The following NDUFAF6 variants were observed in gnomAD, a reference collection of about 807,000 sequenced individuals.
NDUFAF6 encodes the protein NADH:ubiquinone oxidoreductase complex assembly factor 6.
Under a neutral mutation model 40.8 loss-of-function variants are expected in NDUFAF6, and 45 were observed. The ratio of observed to expected loss-of-function variants is 1.10; its 90% confidence interval spans 0.87 to 1.42. The LOEUF is 1.42. Ranked by LOEUF, NDUFAF6 falls within the 40% of genes most tolerant of loss-of-function variation. The pLI, the probability that NDUFAF6 is intolerant of heterozygous loss-of-function variation, is 0.00. For missense variants in NDUFAF6, 435 were observed against 418.5 expected (o/e 1.04, Z -0.34); for synonymous variants, 185 against 155.9 (o/e 1.19, Z -1.39).
At chr8:95,078,452 T>C (rs1055515276), downstream of NDUFAF6, 4 of 151,972 alleles carry the variant, frequency 2.6e-5, no homozygotes, top group Non-Finnish European at 5.9e-5. Context: ...AAGATCAGCC[T>C]GGGCAACACA....
intron 1 of NDUFAF6, among the ~76,000 whole-genome samples, chr8:94,907,238 TAG>T (rs1818452425): frequency 6.6e-6 from 1 of 152,240 alleles, no homozygotes; most frequent in African/African-American, 2.4e-5. Context: ...TGTCTAATAC[TAG>T]AGTTTGCATT....
intron 6 of NDUFAF6, among the ~76,000 whole-genome samples, chr8:95,047,508 C>CTTTT (rs373655223): frequency 1.3e-4 from 16 of 126,404 alleles, no homozygotes; most frequent in Non-Finnish European, 1.9e-4. Flanking sequence ...CTTTTCTTTT[C>CTTTT]TTTTTTTTTT....
chr8:94,962,882 C>G (rs140145212), intron 1 of NDUFAF6, among the ~76,000 whole-genome samples: 1 of 151,276 alleles, frequency 6.6e-6, no homozygotes, highest in Non-Finnish European at 1.5e-5. Flanking sequence ...CCTTAGCTTC[C>G]TGGGTTCAAG....
chr8:95,025,350 G>C (rs1827976369), intron 1 of NDUFAF6, 145 bp downstream of exon 1: 1 of 828,014 alleles, frequency 1.2e-6, no homozygotes, highest in African/African-American at 1.8e-5. Context: ...GTGGGCGTCG[G>C]GTGCGGGTGT....
chr8:95,117,641 A>C (rs1335190206), downstream of NDUFAF6, among the ~76,000 whole-genome samples: 1 of 152,218 alleles, frequency 6.6e-6, no homozygotes, highest in African/African-American at 2.4e-5. Flanking sequence ...TCCTGGGTGC[A>C]GGAAGACTGC....
At chr8:95,074,522 C>T (rs887398490) in intron 9 of NDUFAF6, among the ~76,000 whole-genome samples, 1 of 143,220 alleles carries the variant, frequency 7.0e-6, no homozygotes, top group Non-Finnish European at 1.5e-5. Context: ...TTTCCATCTC[C>T]TCCAATGTCC....
chr8:95,034,997 A>C (rs933100562), intron 2 of NDUFAF6, among the ~76,000 whole-genome samples: 1 of 151,872 alleles, frequency 6.6e-6, no homozygotes, highest in Non-Finnish European at 1.5e-5. Flanking sequence ...CTCCTGCCTC[A>C]GTCTCCTGAG....
intron 1 of NDUFAF6, among the ~76,000 whole-genome samples, chr8:94,920,327 G>T (rs772040365): frequency 3.3e-5 from 5 of 152,222 alleles, no homozygotes; most frequent in Non-Finnish European, 5.9e-5. Context: ...TCTGGATGCT[G>T]TGAAGTTCGA....
At chr8:94,995,149 G>A (rs997718880) in intron 2 of NDUFAF6, among the ~76,000 whole-genome samples, 1 of 152,180 alleles carries the variant, frequency 6.6e-6, no homozygotes, top group African/African-American at 2.4e-5. Context: ...GCCTTAAAAA[G>A]GAGAACCTGT....
downstream of NDUFAF6, among the ~76,000 whole-genome samples, chr8:95,105,822 G>C (rs1427058210): frequency 2.6e-5 from 4 of 151,930 alleles, no homozygotes; most frequent in Non-Finnish European, 4.4e-5. Flanking sequence ...TTTTTGTAGA[G>C]ATGGAGTTTT....
At chr8:94,967,280 T>C (rs1259953959) in intron 1 of NDUFAF6, among the ~76,000 whole-genome samples, 1 of 152,236 alleles carries the variant, frequency 6.6e-6, no homozygotes, top group Non-Finnish European at 1.5e-5. Context: ...TTTTCTTGGA[T>C]ATGCCCCTCT....
At chr8:95,071,108 C>T (rs780078661) in intron 9 of NDUFAF6, among the ~76,000 whole-genome samples, 1 of 151,876 alleles carries the variant, frequency 6.6e-6, no homozygotes, top group Non-Finnish European at 1.5e-5. Context: ...ATAAGGCAAC[C>T]GGCCGGGCGC....
At chr8:95,009,861 ATAT>A (rs1827157988) in intron 2 of NDUFAF6, among the ~76,000 whole-genome samples, 1 of 152,196 alleles carries the variant, frequency 6.6e-6, no homozygotes, top group Admixed American at 6.5e-5. Context: ...TTCCTCCTAA[ATAT>A]TATATTTAAA....
intron 2 of NDUFAF6, among the ~76,000 whole-genome samples, chr8:94,992,935 G>T (rs1462314716): frequency 6.6e-6 from 1 of 152,206 alleles, no homozygotes; most frequent in Non-Finnish European, 1.5e-5. Flanking sequence ...GTTTGCAAAG[G>T]TGGTTGAGAC....
chr8:95,116,790 C>T (rs62524805), downstream of NDUFAF6, among the ~76,000 whole-genome samples: 6,884 of 152,260 alleles, frequency 0.045, 171 homozygotes, highest in Middle Eastern at 0.078. Flanking sequence ...CAACAGAAAA[C>T]CCAACTTACG....
chr8:95,016,757 A>T (rs183373714), intron 2 of NDUFAF6, among the ~76,000 whole-genome samples: 6 of 152,256 alleles, frequency 3.9e-5, no homozygotes, highest in Non-Finnish European at 8.8e-5. Flanking sequence ...ACAAAAAGCA[A>T]AAAACAAAAC....
intron 2 of NDUFAF6, among the ~76,000 whole-genome samples, chr8:95,082,817 G>T (rs907458696): frequency 3.9e-5 from 6 of 152,056 alleles, no homozygotes; most frequent in African/African-American, 1.4e-4. Context: ...CCGCCACTAC[G>T]CCCGGCTAAT....
chr8:94,919,875 C>A (rs1819382587), intron 1 of NDUFAF6, among the ~76,000 whole-genome samples: 2 of 152,168 alleles, frequency 1.3e-5, no homozygotes, highest in Admixed American at 6.5e-5. Context: ...AGGTCTAAAG[C>A]ATGACAAATT....
chr8:94,964,751 C>A (rs74909134), intron 1 of NDUFAF6, among the ~76,000 whole-genome samples: 2,645 of 152,302 alleles, frequency 0.017, 65 homozygotes, highest in African/African-American at 0.06. Context: ...GCCCCTGTGA[C>A]CAAATATCTC....
Sources: gnomAD v4.1 joint callset for allele counts (sites outside exome capture counted in the v4.1 genomes callset) on GRCh38, gnomAD v4.1.1 for gene constraint, MANE v1.5 for transcripts, NCBI Gene and HGNC (gene_info 2026-07-23, HGNC 2026-07-21) for gene names.